GALNT13: variants seen among roughly 807,000 people sequenced by gnomAD.
GALNT13 encodes the protein UDP-GalNAc:polypeptide N-acetylgalactosaminyltransferase 13.
In GALNT13, 28 loss-of-function variants were observed where a neutral mutation model predicts 64.2. That is an observed-to-expected ratio of 0.44 (90% confidence interval 0.32 to 0.60). The LOEUF (loss-of-function observed/expected upper bound fraction) is 0.60, where lower values mean the gene tolerates loss of function less well. Ranked by LOEUF, GALNT13 falls within the 20% of genes least tolerant of loss-of-function variation. The probability of loss-of-function intolerance (pLI) is 0.05; values close to 1 mark genes in which losing one functional copy is unlikely to be tolerated. For missense variants in GALNT13, 577 were observed against 669.8 expected (o/e 0.86, Z 1.53); for synonymous variants, 214 against 224.6 (o/e 0.95, Z 0.42).
chr2:153,203,861 T>C, the GALNT13 span, among the ~76,000 whole-genome samples: 1 of 116,478 alleles, frequency 8.6e-6, no homozygotes, highest in African/African-American at 2.9e-5. Context: ...AGGGACACAA[T>C]ATGTAGCGTG....
At chr2:153,322,641 A>G in the GALNT13 span, among the ~76,000 whole-genome samples, 1 of 151,966 alleles carries the variant, frequency 6.6e-6, no homozygotes, top group African/African-American at 2.4e-5. Context: ...TGCTAATGCT[A>G]TCCCTCCCCT....
At chr2:154,446,660 T>C (rs1338150320) in intron 12 of GALNT13, 4 of 1,548,816 alleles carry the variant, frequency 2.6e-6, no homozygotes, top group South Asian at 2.4e-5. Flanking sequence ...AAACCTGTAA[T>C]GATAGCACTT....
chr2:153,313,698 AG>A, the GALNT13 span, among the ~76,000 whole-genome samples: 1 of 152,236 alleles, frequency 6.6e-6, no homozygotes, highest in Non-Finnish European at 1.5e-5. Context: ...TGAACTTAAA[AG>A]TTAAAAAAAG....
At chr2:154,386,730 A>G (rs965339083) in intron 9 of GALNT13, among the ~76,000 whole-genome samples, 4 of 152,104 alleles carry the variant, frequency 2.6e-5, no homozygotes, top group African/African-American at 9.7e-5. Context: ...GTTTGTCTCA[A>G]TGGATATCAA....
intron 9 of GALNT13, among the ~76,000 whole-genome samples, chr2:154,378,688 T>C (rs895695622): frequency 5.9e-5 from 9 of 152,070 alleles, no homozygotes; most frequent in Non-Finnish European, 1.3e-4. Flanking sequence ...TATCGACTCT[T>C]CGGCTCTGCT....
intron 3 of GALNT13, among the ~76,000 whole-genome samples, chr2:154,040,536 C>T (rs773690877): frequency 7.1e-6 from 1 of 140,612 alleles, no homozygotes; most frequent in African/African-American, 2.4e-5. Flanking sequence ...TCACTGTCCT[C>T]ATATGTAAAG....
the GALNT13 span, among the ~76,000 whole-genome samples, chr2:153,512,580 C>T: frequency 6.6e-6 from 1 of 152,268 alleles, no homozygotes; most frequent in African/African-American, 2.4e-5. Context: ...GCCTTGTCTT[C>T]TTTATCTATA....
At chr2:153,594,374 G>T in the GALNT13 span, among the ~76,000 whole-genome samples, 6 of 152,078 alleles carry the variant, frequency 3.9e-5, no homozygotes, top group Admixed American at 3.3e-4. Context: ...TTGGGTGACT[G>T]TACTTGGCTT....
At chr2:154,189,491 A>AT (rs1349859201) in intron 4 of GALNT13, among the ~76,000 whole-genome samples, 1 of 151,348 alleles carries the variant, frequency 6.6e-6, no homozygotes, top group African/African-American at 2.4e-5. Context: ...AAAAAAAAAA[A>AT]AAAGGCGTGT....
chr2:153,625,636 C>G, the GALNT13 span, among the ~76,000 whole-genome samples: 1 of 152,092 alleles, frequency 6.6e-6, no homozygotes, highest in Non-Finnish European at 1.5e-5. Flanking sequence ...GCTCCATGCT[C>G]CAAGAAGTTC....
At chr2:153,114,018 A>C in the GALNT13 span, among the ~76,000 whole-genome samples, 1 of 151,992 alleles carries the variant, frequency 6.6e-6, no homozygotes, top group Non-Finnish European at 1.5e-5. Context: ...CCAGCCATTT[A>C]GTTGCCCAAC....
the GALNT13 span, among the ~76,000 whole-genome samples, chr2:153,722,617 G>A: frequency 1.3e-5 from 2 of 151,712 alleles, no homozygotes; most frequent in Admixed American, 6.6e-5. Flanking sequence ...AATGATAAAG[G>A]GGATATCACC....
intron 3 of GALNT13, among the ~76,000 whole-genome samples, chr2:153,990,261 T>C (rs1033872546): frequency 3.9e-5 from 6 of 151,964 alleles, no homozygotes; most frequent in African/African-American, 1.5e-4. Flanking sequence ...ATTTTAAAAA[T>C]GATGAGGAAG....
the GALNT13 span, among the ~76,000 whole-genome samples, chr2:153,406,182 A>G: frequency 1.3e-4 from 20 of 152,172 alleles, no homozygotes; most frequent in Non-Finnish European, 2.8e-4. Flanking sequence ...TGGAACTTTG[A>G]CATTTTTGAG....
the GALNT13 span, among the ~76,000 whole-genome samples, chr2:153,724,112 G>C: frequency 1.4e-4 from 19 of 136,076 alleles, no homozygotes; most frequent in Admixed American, 5.1e-4. Context: ...CAGACATATA[G>C]ATCAATGGAA....
At chr2:154,182,816 A>G (rs1336793177) in intron 4 of GALNT13, among the ~76,000 whole-genome samples, 1 of 151,964 alleles carries the variant, frequency 6.6e-6, no homozygotes, top group Non-Finnish European at 1.5e-5. Flanking sequence ...CCAAAGCTAG[A>G]GGATCACCTG....
chr2:153,465,476 G>A, the GALNT13 span, among the ~76,000 whole-genome samples: 5 of 150,612 alleles, frequency 3.3e-5, no homozygotes, highest in African/African-American at 1.2e-4. Flanking sequence ...TAGTGTGGCT[G>A]GGACTACATC....
the GALNT13 span, among the ~76,000 whole-genome samples, chr2:153,724,147 G>T: frequency 7.1e-6 from 1 of 140,700 alleles, no homozygotes; most frequent in Non-Finnish European, 1.5e-5. Context: ...CAGAAATAAC[G>T]CCACATACCT....
the GALNT13 span, among the ~76,000 whole-genome samples, chr2:153,470,097 A>AT: frequency 6.6e-6 from 1 of 152,200 alleles, no homozygotes; most frequent in South Asian, 2.1e-4. Flanking sequence ...GTCAGAAGAC[A>AT]TAGATCCCCT....
Sources: allele counts gnomAD v4.1 joint callset (sites outside exome capture counted in the v4.1 genomes callset), GRCh38; gene constraint gnomAD v4.1.1; transcripts MANE v1.5; gene names NCBI Gene and HGNC (gene_info 2026-07-23, HGNC 2026-07-21).